The following SP140 variants were observed in gnomAD, a reference collection of about 807,000 sequenced individuals.
SP140 encodes SP140 nuclear body protein.
A neutral mutation model predicts 125.0 loss-of-function variants in SP140; 81 were observed. That is an observed-to-expected ratio of 0.65 (90% confidence interval 0.54 to 0.78). The LOEUF (loss-of-function observed/expected upper bound fraction) is 0.78, where lower values mean the gene tolerates loss of function less well. SP140 is among the 30% of genes least tolerant of loss of function. The pLI is 0.00. For synonymous variants in SP140, 312 were observed against 354.0 expected (o/e 0.88, Z 1.33); for missense variants, 858 against 1,037.0 (o/e 0.83, Z 2.37).
At chr2:230,214,828 T>A (rs1054703641) in intron 3 of SP140, 26 of 804,176 alleles carry the variant, frequency 3.2e-5, no homozygotes, top group Non-Finnish European at 5.3e-5. Context: ...GAGAATATGG[T>A]CCATTCCACC....
chr2:230,249,087 G>A (rs896160317), intron 9 of SP140, 119 bp downstream of exon 9: 15 of 695,144 alleles, frequency 2.2e-5, no homozygotes, highest in African/African-American at 3.6e-5. Context: ...CATACATACA[G>A]ATGGAATTAT....
At chr2:230,241,594 C>G in intron 4 of SP140, 107 bp downstream of exon 4, 2 of 689,146 alleles carry the variant, frequency 2.9e-6, no homozygotes, top group South Asian at 1.7e-5. Context: ...TGTTATCTCC[C>G]AGTCCTCCTC....
At chr2:230,216,657 A>G (rs2045212778) in intron 3 of SP140, 5 of 1,174,126 alleles carry the variant, frequency 4.3e-6, no homozygotes, top group Non-Finnish European at 6.4e-6. Flanking sequence ...CTTCTGTGAT[A>G]ATGAACATGC....
At chr2:230,192,491 A>G in the SP140 span, among the ~76,000 whole-genome samples, 3 of 152,146 alleles carry the variant, frequency 2.0e-5, no homozygotes, top group African/African-American at 4.8e-5. Flanking sequence ...TACACCAACA[A>G]TAGGCAAGCA....
chr2:230,271,799 G>C (rs181573454), intron 15 of SP140, among the ~76,000 whole-genome samples: 2 of 152,270 alleles, frequency 1.3e-5, no homozygotes, highest in Admixed American at 1.3e-4. Context: ...GAGATTCACT[G>C]TCAGGGACGT....
chr2:230,236,594 C>T (rs927963970), intron 1 of SP140, among the ~76,000 whole-genome samples: 2 of 152,160 alleles, frequency 1.3e-5, no homozygotes, highest in African/African-American at 4.8e-5. Flanking sequence ...TTCTTGGGGA[C>T]ACTAGTCTTT....
chr2:230,262,539 T>C (rs774953198), intron 12 of SP140, among the ~76,000 whole-genome samples: 5 of 152,186 alleles, frequency 3.3e-5, no homozygotes, highest in Non-Finnish European at 7.3e-5. Context: ...GATGTGACCT[T>C]AGATTGTCAG....
chr2:230,243,686 T>G (rs1357752786), intron 4 of SP140, 45 bp from the exon 5 acceptor site: 1 of 1,437,928 alleles, frequency 7.0e-7, no homozygotes. Context: ...GATGGCTTTT[T>G]GACCATAAAT....
chr2:230,229,456 C>CTTTTTTTTTT (rs1163771237), intron 1 of SP140, among the ~76,000 whole-genome samples: 2 of 57,604 alleles, frequency 3.5e-5, no homozygotes, highest in Admixed American at 4.1e-4. Context: ...TGAAGAAATT[C>CTTTTTTTTTT]TTTTTTTTTT....
At chr2:230,241,218 A>G (rs1428020431) in intron 3 of SP140, among the ~76,000 whole-genome samples, 186 bp from the exon 4 acceptor site, 1 of 152,138 alleles carries the variant, frequency 6.6e-6, no homozygotes, top group Non-Finnish European at 1.5e-5. Context: ...CTTGACTGGG[A>G]TGTTGGTTTC....
At chr2:230,238,753 T>A in intron 3 of SP140, 1 of 1,543,090 alleles carries the variant, frequency 6.5e-7, no homozygotes, top group Non-Finnish European at 8.8e-7. Flanking sequence ...CAATTTTCTT[T>A]GTATTAGAAA....
chr2:230,312,177 G>A (rs376337461), intron 26 of SP140, among the ~76,000 whole-genome samples: 4 of 152,352 alleles, frequency 2.6e-5, no homozygotes, highest in African/African-American at 7.2e-5. Flanking sequence ...TTTCTGCCCT[G>A]TTAATAAGAA....
At chr2:230,229,438 C>T (rs2046920898) in intron 1 of SP140, among the ~76,000 whole-genome samples, 1 of 148,234 alleles carries the variant, frequency 6.7e-6, no homozygotes, top group African/African-American at 2.5e-5. Flanking sequence ...ATCATTTTTC[C>T]CTTTGCATGA....
intron 3 of SP140, among the ~76,000 whole-genome samples, chr2:230,220,572 T>C (rs1559189689): frequency 6.6e-6 from 1 of 152,168 alleles, no homozygotes; most frequent in Non-Finnish European, 1.5e-5. Context: ...GGGCAGGTAG[T>C]TGGGAGCCAG....
chr2:230,298,523 G>T (rs955344962), intron 22 of SP140, among the ~76,000 whole-genome samples: 1 of 152,194 alleles, frequency 6.6e-6, no homozygotes, highest in African/African-American at 2.4e-5. Context: ...GGCTGATTTT[G>T]GATGGACTAG....
At chr2:230,230,327 G>A (rs1235601402) in intron 1 of SP140, 1 of 152,176 alleles carries the variant, frequency 6.6e-6, no homozygotes, top group Non-Finnish European at 1.5e-5. Flanking sequence ...TGTGGTATTA[G>A]CTGTTCCATT....
rs2049223506 is a variant in SP140, at chr2:230,244,976, G to C, written c.572-12G>C. On this transcript the variant is annotated splice_polypyrimidine_tract_variant and intron_variant, in intron 5 of 26. Transcript: ENST00000392045. ...GTCTGTGCTCTCATCACTGTGCCTT[G>C]TTTATTTCCAGGTTTCTCTTCAGAG... The C allele has an allele frequency of 3.1e-6, 5 of 1,601,582 alleles. No homozygotes were observed. The Admixed American group carries it at 8.4e-5, about 27-fold the overall frequency.
intron 1 of SP140, among the ~76,000 whole-genome samples, chr2:230,234,521 AT>A (rs2047696651): frequency 6.6e-6 from 1 of 152,220 alleles, no homozygotes; most frequent in Non-Finnish European, 1.5e-5. Flanking sequence ...ACATTTTTCC[AT>A]TTTAATTTTT....
At chr2:230,253,172 A>G (rs1415420403) in intron 10 of SP140, 144 bp from the exon 11 acceptor site, 7 of 639,772 alleles carry the variant, frequency 1.1e-5, no homozygotes, top group Admixed American at 2.6e-5. Context: ...GAGGACACTG[A>G]GAATTAGAGA....
Sources: allele counts gnomAD v4.1 joint callset (sites outside exome capture counted in the v4.1 genomes callset), GRCh38; gene constraint gnomAD v4.1.1; transcripts MANE v1.5; gene names NCBI Gene and HGNC (gene_info 2026-07-23, HGNC 2026-07-21).